ENPP1: variants seen among roughly 807,000 people sequenced by gnomAD.
The protein encoded by ENPP1 is ectonucleotide pyrophosphatase/phosphodiesterase family member 1.
Under a neutral mutation model 122.8 loss-of-function variants are expected in ENPP1, and 73 were observed. That is an observed-to-expected ratio of 0.59 (90% CI 0.49 to 0.72). The LOEUF (loss-of-function observed/expected upper bound fraction) is 0.72, where lower values mean the gene tolerates loss of function less well. ENPP1 is among the 30% of genes least tolerant of loss of function. The pLI, the probability that ENPP1 is intolerant of heterozygous loss-of-function variation, is 0.00. For missense variants in ENPP1, 978 were observed against 1,128.1 expected, an observed-to-expected ratio of 0.87 and a Z score of 1.91; for synonymous variants, 367 against 391.6, an observed-to-expected ratio of 0.94 and a Z score of 0.74.
intron 1 of ENPP1, among the ~76,000 whole-genome samples, chr6:131,810,085 G>A (rs1181436813): frequency 6.6e-6 from 1 of 152,192 alleles, no homozygotes; most frequent in African/African-American, 2.4e-5. Context: ...TAGACCTGGT[G>A]CGGTGACTCA....
intron 15 of ENPP1, among the ~76,000 whole-genome samples, chr6:131,873,451 A>G (rs147482301): frequency 6.6e-6 from 1 of 152,156 alleles, no homozygotes; most frequent in Non-Finnish European, 1.5e-5. Flanking sequence ...TACATTTGTT[A>G]CTGCTTGCCA....
chr6:131,811,412 CTATATCTATATCTATATCTATA>C (rs1781352046), intron 1 of ENPP1, among the ~76,000 whole-genome samples: 1 of 147,470 alleles, frequency 6.8e-6, no homozygotes, highest in African/African-American at 2.6e-5. Flanking sequence ...ATATCTATAT[CTATATCTATATCTATATCTATA>C]TATATGTAGA....
At position 131,886,842 on chromosome 6, in the gene ENPP1, C is replaced by T. The variant is rs962273971; in HGVS notation, c.2607+118C>T. ...AGCACAACTGAGTACACATGGACTT[C>T]GAAATTATAGGATGCTTTTAAATTT... On this transcript the variant is annotated intron_variant, in intron 24 of 24. Transcript: ENST00000647893. The T allele has an allele frequency of 2.7e-5, 19 of 700,436 alleles. 1 individual carries two copies. Among genetic ancestry groups the T allele is most frequent in the East Asian group, 1.8e-4 (6 of 33,940 alleles). The allele number at this position is 700,436 out of a possible 1,614,324, so 43.4% of individuals were successfully genotyped here. A position where few individuals can be genotyped will look rare whatever the true frequency, so the allele number is the denominator to read the frequency against.
At chr6:131,851,392 T>C (rs1351694196) in intron 4 of ENPP1, 125 bp downstream of exon 4, 5 of 1,255,786 alleles carry the variant, frequency 4.0e-6, no homozygotes, top group Non-Finnish European at 5.6e-6. Context: ...CTGAAAAAAA[T>C]AATTTTAAAA....
rs763825667 is a variant in ENPP1 at position 131,878,549 on chromosome 6, C to T, written c.1901C>T (p.Pro634Leu). 8.1e-6 allele frequency: 13 copies of T among 1,609,704 alleles called. No homozygotes were observed. Among genetic ancestry groups the T allele is most frequent in the African/African-American group, 4.0e-5 (3 of 74,768 alleles). ...LGCSCNPSILPIEDFQTQFNL... is the reference protein window; with the variant it reads ...LGCSCNPSILLIEDFQTQFNL... ...TTTTATAACCTTTTTTAGATTTTGC[C>T]GATTGAGGATTTTCAAACACAGTTC... Residue 634 changes from proline to leucine, a missense_variant, in exon 19 of 25, where the codon CCG becomes CTG. Physicochemically the swap from Pro to Leu is moderately conservative, Grantham distance 98. Coordinates refer to ENST00000647893, the MANE Select transcript of ENPP1 (RefSeq NM_006208.3).
chr6:131,857,567 A>G (rs6569764), intron 6 of ENPP1, among the ~76,000 whole-genome samples: 45,955 of 146,920 alleles, frequency 0.31, 12,462 homozygotes, highest in African/African-American at 0.76. Context: ...ACCAAACACC[A>G]CATATTCTCA....
chr6:131,877,402 G>A, intron 18 of ENPP1: 1 of 536,172 alleles, frequency 1.9e-6, no homozygotes, highest in East Asian at 3.4e-5. Flanking sequence ...GGGTGCAGGT[G>A]TGGTGAAGTC....
intron 1 of ENPP1, among the ~76,000 whole-genome samples, chr6:131,838,771 G>A (rs968507561): frequency 2.6e-5 from 4 of 151,940 alleles, no homozygotes; most frequent in Non-Finnish European, 4.4e-5. Flanking sequence ...ATCATATCAA[G>A]AATGAAAAAG....
chr6:131,881,257 A>G (rs4371863), intron 20 of ENPP1, among the ~76,000 whole-genome samples: 3,069 of 152,226 alleles, frequency 0.02, 125 homozygotes, highest in African/African-American at 0.071. Flanking sequence ...ATTTATATAA[A>G]ATTTCTTGAA....
intron 1 of ENPP1, among the ~76,000 whole-genome samples, chr6:131,845,704 C>T (rs1412376034): frequency 6.6e-6 from 1 of 151,946 alleles, no homozygotes; most frequent in Admixed American, 6.6e-5. Flanking sequence ...AGTGATCCCC[C>T]CACCTCAGCC....
chr6:131,882,575 T>TTA (rs942092937), intron 21 of ENPP1, 101 bp downstream of exon 21: 7 of 266,078 alleles, frequency 2.6e-5, no homozygotes, highest in South Asian at 1.3e-4. Context: ...ATATTACCTA[T>TTA]TATATATATA....
At chr6:131,840,617 C>T (rs769065635) in intron 1 of ENPP1, among the ~76,000 whole-genome samples, 17 of 152,150 alleles carry the variant, frequency 1.1e-4, no homozygotes, top group Non-Finnish European at 2.1e-4. Flanking sequence ...ATTATCACCA[C>T]GTCATAGATT....
chr6:131,822,823 G>T (rs1024982995), intron 1 of ENPP1, among the ~76,000 whole-genome samples: 2 of 152,010 alleles, frequency 1.3e-5, no homozygotes, highest in African/African-American at 4.8e-5. Flanking sequence ...GTACATGTTT[G>T]TTTTCTGTTT....
chr6:131,864,912 C>T lies in ENPP1; in HGVS notation c.1138C>T (p.His380Tyr), dbSNP rs758574076. The T allele has an allele frequency of 6.2e-7, 1 of 1,603,958 alleles. No individual in the cohort carries two copies. Among genetic ancestry groups the T allele is most frequent in the Non-Finnish European group, 8.5e-7 (1 of 1,170,962 alleles). The change falls in exon 11 of 25, where the codon CAT becomes TAT. Residue 380 changes from histidine to tyrosine, a missense_variant. Coordinates refer to ENST00000647893, the MANE Select transcript of ENPP1 (RefSeq NM_006208.3). ...LYLEEPDSSG[H>Y]SYGPVSSEVI... ...TTTAGAAGAACCAGATTCTTCAGGT[C>T]ATTCATATGGACCAGTCAGCAGTGA...
rs1305736177 is a variant in ENPP1, at chr6:131,872,962, CA to C, written c.1478del (p.His493LeufsTer18). On this transcript the variant is annotated frameshift_variant, in exon 15 of 25. Coordinates refer to ENST00000647893, the MANE Select transcript of ENPP1 (RefSeq NM_006208.3). LOFTEE classifies it high-confidence loss of function. ...CCAGCACTTCAAACCTTACCTGAAA[CA>C]TTTCTTACCTAAGCGTTTGCACTTT... is the stretch of plus-strand genomic sequence containing the variant. ...PNQHFKPYLK[H>X]FLPKRLHFAK... 2 of 1,613,682 alleles carry C rather than the reference CA, an allele frequency of 1.2e-6. No homozygotes were observed. The highest frequency in any genetic ancestry group is 2.7e-5 in the African/African-American group (2 of 74,902).
chr6:131,826,871 G>A (rs543154219), intron 1 of ENPP1: 78 of 370,330 alleles, frequency 2.1e-4, no homozygotes, highest in Non-Finnish European at 3.8e-4. Flanking sequence ...TCTCACATAG[G>A]GGAAAGATAA....
chr6:131,854,039 T>C (rs1415926448), intron 5 of ENPP1, among the ~76,000 whole-genome samples: 2 of 152,190 alleles, frequency 1.3e-5, no homozygotes, highest in African/African-American at 4.8e-5. Flanking sequence ...TGTTTATATA[T>C]TTAAATATAG....
In ENPP1 at chr6:131,827,486, C is replaced by A. The variant is rs191586675; in HGVS notation, c.240+19211C>A. On this transcript the variant is annotated intron_variant, in intron 1 of 24. Coordinates refer to ENST00000647893, the MANE Select transcript of ENPP1 (RefSeq NM_006208.3). The stretch of plus-strand genomic sequence containing the variant: ...TGGTATAAAATGAAGCCAGAAACTT[C>A]AAGATTTCTGCGAAGGAATAGACAC... 1.3e-3 allele frequency: 815 copies of A among 638,928 alleles called. 10 individuals carry two copies. Among genetic ancestry groups the A allele is most frequent in the Middle Eastern group, 8.3e-3 (31 of 3,724 alleles). The allele number at this position is 638,928 out of a possible 1,614,324, so 39.6% of individuals were successfully genotyped here.
In ENPP1 at chr6:131,851,278, C is replaced by T. The variant is rs369063948; in HGVS notation, c.556+11C>T. 4.8e-5 allele frequency: 78 copies of T among 1,613,900 alleles called. No homozygotes were observed. The highest frequency in any genetic ancestry group is 1.6e-4 in the Middle Eastern group (1 of 6,078). ...GTTCTGTGTGTCAAGGTCAGGTGCT[C>T]GTTGGGCTCTGCAGCAGCCTGGTAT... On this transcript the variant is annotated intron_variant, in intron 4 of 24. Coordinates refer to ENST00000647893, the MANE Select transcript of ENPP1 (RefSeq NM_006208.3).
Sources: allele counts gnomAD v4.1 joint callset (sites outside exome capture counted in the v4.1 genomes callset), GRCh38; gene constraint gnomAD v4.1.1; transcripts MANE v1.5; gene names NCBI Gene and HGNC (gene_info 2026-07-23, HGNC 2026-07-21).